Variants in ADAP2 observed in about 807,000 individuals in gnomAD.
The protein encoded by ADAP2 is ArfGAP with dual PH domains 2, also known as arf-GAP with dual PH domain-containing protein 2.
A neutral mutation model predicts 54.9 loss-of-function variants in ADAP2; 42 were observed. The ratio of observed to expected loss-of-function variants is 0.77; its 90% CI spans 0.60 to 0.99. ADAP2 has a LOEUF of 0.99. ADAP2 is among the 50% of genes least tolerant of loss of function. The probability of loss-of-function intolerance (pLI) is 0.00; values close to 1 mark genes in which losing one functional copy is unlikely to be tolerated. For missense variants in ADAP2, 429 were observed against 480.4 expected, an observed-to-expected ratio of 0.89 and a Z score of 1.00; for synonymous variants, 177 against 180.1, an observed-to-expected ratio of 0.98 and a Z score of 0.14.
Position 30,945,037 on chromosome 17 carries a change from A to G in ADAP2, c.641A>G (p.Tyr214Cys), listed in dbSNP as rs1417454600. ...RDGHTRNLFVYHESGKEIVDW... is the reference protein window; with the variant it reads ...RDGHTRNLFVCHESGKEIVDW... ...GGCCACACCAGGAACCTGTTTGTGT[A>G]TCATGAAAGTGGGAAGGTGAGATGC... The change falls in exon 6 of 11, where the codon TAT becomes TGT. Residue 214 changes from tyrosine (Y) to cysteine (C), a missense_variant. Tyr to Cys is a radical substitution (Grantham distance 194). Transcript: ENST00000330889. The G allele has an allele frequency of 1.9e-6, 3 of 1,613,974 alleles. No homozygotes were observed. Among genetic ancestry groups the G allele is most frequent in the Admixed American group, 1.7e-5 (1 of 59,974 alleles).
intron 5 of ADAP2, among the ~76,000 whole-genome samples, chr17:30,943,753 A>C (rs1912443442): frequency 6.6e-6 from 1 of 152,140 alleles, no homozygotes; most frequent in Admixed American, 6.6e-5. Flanking sequence ...AGGCTGAGGC[A>C]GGAGAATGGT....
At chr17:30,925,483 G>A (rs962594183) in intron 2 of ADAP2, among the ~76,000 whole-genome samples, 6 of 152,068 alleles carry the variant, frequency 3.9e-5, no homozygotes, top group East Asian at 3.9e-4. Context: ...GAGCTACAGC[G>A]CCCAATCCTC....
At chr17:30,936,981 T>G (rs1598037279) in intron 5 of ADAP2, among the ~76,000 whole-genome samples, 1 of 152,268 alleles carries the variant, frequency 6.6e-6, no homozygotes, top group South Asian at 2.1e-4. Flanking sequence ...TAGGCTGGAG[T>G]GCAGTGGCGT....
At chr17:30,932,550 A>G (rs1911575691) in intron 4 of ADAP2, among the ~76,000 whole-genome samples, 1 of 149,310 alleles carries the variant, frequency 6.7e-6, no homozygotes, top group African/African-American at 2.5e-5. Context: ...CACTGTGCCC[A>G]GCCAGACTCT....
intron 5 of ADAP2, among the ~76,000 whole-genome samples, chr17:30,937,154 GACCTCGTGATCC>G (rs1452224692): frequency 1.3e-5 from 2 of 151,698 alleles, no homozygotes; most frequent in Non-Finnish European, 2.9e-5. Context: ...TTGAATTTCC[GACCTCGTGATCC>G]ACCCACCTCA....
intron 6 of ADAP2, among the ~76,000 whole-genome samples, 184 bp from the exon 7 acceptor site, chr17:30,949,103 G>C (rs1336239832): frequency 6.6e-6 from 1 of 152,200 alleles, no homozygotes; most frequent in Non-Finnish European, 1.5e-5. Flanking sequence ...GCTTGCCCGG[G>C]TTAGCCCACG....
chr17:30,939,433 G>GAA lies in ADAP2; in HGVS notation c.510+5151_510+5152dup, dbSNP rs77911489. ...AATGAAGTATAAAGAAAGTGAAACT[G>GAA]AAAAAAAAAAAAAAAAGCCCCAAGC... On this transcript the variant is annotated intron_variant, in intron 5 of 10. Coordinates refer to ENST00000330889, the MANE Select transcript of ADAP2 (RefSeq NM_018404.3). Among the ~76,000 whole-genome samples the GAA allele has an allele frequency of 1.8e-3, 159 of 90,740 alleles. 1 individual carries two copies. The highest frequency in any genetic ancestry group is 5.8e-3 in the African/African-American group (150 of 25,694). The allele number at this position is 90,740 out of a possible 152,430, so 59.5% of individuals were successfully genotyped here. A position where few individuals can be genotyped will look rare whatever the true frequency, so the allele number is the denominator to read the frequency against.
chr17:30,922,800 A>G lies in ADAP2; in HGVS notation c.95-140A>G, dbSNP rs924066648. The G allele has an allele frequency of 1.5e-5, 14 of 958,130 alleles. No individual in the cohort carries two copies. In the African/African-American group the frequency reaches 2.3e-4, roughly 16 times the overall value. 59.4% of individuals were successfully genotyped at this position (958,130 alleles called of 1,614,324 possible). ...GTCGCCGCGCAGCGGCCGGTGGGCT[A>G]ACCAGAAGGTGCCAGGCTGGCCGCT... On this transcript the variant is annotated intron_variant, in intron 1 of 10. Coordinates refer to ENST00000330889, the MANE Select transcript of ADAP2 (RefSeq NM_018404.3).
intron 5 of ADAP2, among the ~76,000 whole-genome samples, chr17:30,935,770 A>C (rs1911827583): frequency 6.6e-6 from 1 of 152,128 alleles, no homozygotes; most frequent in Non-Finnish European, 1.5e-5. Context: ...CTGAGCTAGA[A>C]GTGTGTTTGG....
chr17:30,946,301 C>T (rs908559588), intron 6 of ADAP2, among the ~76,000 whole-genome samples: 5 of 151,882 alleles, frequency 3.3e-5, no homozygotes, highest in Admixed American at 6.6e-5. Context: ...GGCGTGATCT[C>T]GGCTCACTGC....
At chr17:30,943,999 C>G (rs948273775) in intron 5 of ADAP2, among the ~76,000 whole-genome samples, 1 of 150,134 alleles carries the variant, frequency 6.7e-6, no homozygotes, top group Admixed American at 6.7e-5. Flanking sequence ...GAGACCAGCC[C>G]GGCTAACATG....
Position 30,943,776 on chromosome 17 carries a change from G to A in ADAP2, c.511-1131G>A, listed in dbSNP as rs144430289. On this transcript the variant is annotated intron_variant, in intron 5 of 10. Coordinates refer to ENST00000330889, the MANE Select transcript of ADAP2 (RefSeq NM_018404.3). ...GCAGGAGAATGGTTAGAATCTGGGAGGCAGAGGTTGCAGTGACCTCAGATC... is the reference window on the plus strand; with the variant it reads ...GCAGGAGAATGGTTAGAATCTGGGAAGCAGAGGTTGCAGTGACCTCAGATC... 3.9e-3 allele frequency among the ~76,000 whole-genome samples: 593 copies of A among 152,100 alleles called. 5 individuals are homozygous for A. The highest frequency in any genetic ancestry group is 0.014 in the African/African-American group (563 of 41,460).
At chr17:30,955,199 T>A (rs1379744271) in intron 9 of ADAP2, among the ~76,000 whole-genome samples, 3 of 151,908 alleles carry the variant, frequency 2.0e-5, no homozygotes, top group Middle Eastern at 3.4e-3. Flanking sequence ...AACCTTGAAC[T>A]TCTGGGCCCA....
intron 3 of ADAP2, among the ~76,000 whole-genome samples, chr17:30,929,675 A>ACT (rs957004313): frequency 4.6e-5 from 7 of 151,472 alleles, no homozygotes; most frequent in East Asian, 1.9e-4. Context: ...ACTAGGAATG[A>ACT]CTCTCTCTCT....
rs946451770 is a variant in ADAP2, at chr17:30,938,743, A to G, written c.510+4446A>G. On this transcript the variant is annotated intron_variant, in intron 5 of 10. Transcript: ENST00000330889. The stretch of plus-strand genomic sequence containing the variant: ...CCTGTTGCTTTTCTAGGCAGACCAG[A>G]GCAATGCTAAAAGGTCTGTCTATGG... Among the ~76,000 whole-genome samples, 4 of 152,308 alleles carry G rather than the reference A, an allele frequency of 2.6e-5. No individual in the cohort carries two copies. In the East Asian group the frequency reaches 7.7e-4, roughly 29 times the overall value.
chr17:30,932,568 TTTC>T (rs764920631), intron 4 of ADAP2, among the ~76,000 whole-genome samples: 6 of 151,012 alleles, frequency 4.0e-5, no homozygotes, highest in East Asian at 2.0e-4. Flanking sequence ...TCTTTTTCTT[TTTC>T]TTCTTCTTCT....
chr17:30,923,128 G>A (rs1910766703), intron 2 of ADAP2, 58 bp downstream of exon 2: 3 of 1,596,722 alleles, frequency 1.9e-6, no homozygotes, highest in Admixed American at 3.4e-5. Context: ...AGAGGCAGCG[G>A]GCAGGGGGCT....
chr17:30,954,094 C>G (rs1226216128), intron 8 of ADAP2: 1 of 174,952 alleles, frequency 5.7e-6, no homozygotes, highest in Non-Finnish European at 1.2e-5. Context: ...GCTGGGCTTT[C>G]TCTCCCTGAC....
chr17:30,923,454 G>C (rs539807563), intron 2 of ADAP2, among the ~76,000 whole-genome samples: 36 of 151,276 alleles, frequency 2.4e-4, no homozygotes, highest in Non-Finnish European at 4.9e-4. Context: ...TAGTAGAGAC[G>C]GGGTTTCACC....
Sources: gnomAD v4.1 joint callset for allele counts (sites outside exome capture counted in the v4.1 genomes callset) on GRCh38, gnomAD v4.1.1 for gene constraint, MANE v1.5 for transcripts, NCBI Gene and HGNC (gene_info 2026-07-23, HGNC 2026-07-21) for gene names.